HSPA4L: variants seen among roughly 807,000 people sequenced by gnomAD.
The protein encoded by HSPA4L is heat shock protein family A (Hsp70) member 4 like.
Under a neutral mutation model 100.3 loss-of-function variants are expected in HSPA4L, and 48 were observed. That is an observed-to-expected ratio of 0.48 (90% CI 0.38 to 0.61). The LOEUF is 0.61. Among genes scored for constraint, HSPA4L ranks in the 20% least tolerant of loss-of-function variants. The pLI is 0.00. For synonymous variants in HSPA4L, 319 were observed against 328.2 expected, an observed-to-expected ratio of 0.97 and a Z score of 0.30; for missense variants, 886 against 988.6, an observed-to-expected ratio of 0.90 and a Z score of 1.39.
At chr4:127,808,407 CT>C (rs1227839511) in intron 11 of HSPA4L, among the ~76,000 whole-genome samples, 4 of 151,322 alleles carry the variant, frequency 2.6e-5, no homozygotes, top group Admixed American at 6.6e-5. Flanking sequence ...CATGCCTAGA[CT>C]TTTTTTTTCT....
In HSPA4L at chr4:127,795,781, T is replaced by C. The variant is rs750906753; in HGVS notation, c.179T>C (p.Val60Ala). ...NAAKSQIVTN[V>A]RNTIHGFKKL... is the part of the protein sequence containing the mutation. ...TACTGCCAACAGATAGTCACGAACG[T>C]AAGAAATACAATTCATGGCTTCAAA... Residue 60 changes from valine to alanine, a missense_variant, in exon 3 of 19, where the codon GTA (valine) becomes GCA (alanine). By Grantham distance (64) the Val-to-Ala change is moderately conservative. Coordinates refer to ENST00000296464, the MANE Select transcript of HSPA4L (RefSeq NM_014278.4). 8 of 1,613,428 alleles carry C rather than the reference T, an allele frequency of 5.0e-6. No individual in the cohort carries two copies. The highest frequency in any genetic ancestry group is 1.3e-5 in the African/African-American group (1 of 74,930).
Position 127,807,851 on chromosome 4 carries a change from CA to C in HSPA4L, c.1245-141del, listed in dbSNP as rs2148788750. On this transcript the variant is annotated intron_variant, in intron 10 of 18. Coordinates refer to ENST00000296464, the MANE Select transcript of HSPA4L (RefSeq NM_014278.4). The stretch of plus-strand genomic sequence containing the variant: ...AATCTGTTGCAATGCATGTTTAGAG[CA>C]AAATCAGTAATTGTTTTTTCTTTTT... 5.4e-6 allele frequency: 4 copies of C among 746,608 alleles called. No individual in the cohort carries two copies. The South Asian group carries it at 6.5e-5, about 12-fold the overall frequency. 46.2% of individuals were successfully genotyped at this position (746,608 alleles called of 1,614,324 possible). A position where few individuals can be genotyped will look rare whatever the true frequency, so the allele number is the denominator to read the frequency against.
intron 1 of HSPA4L, 75 bp downstream of exon 1, chr4:127,782,732 T>A: frequency 9.2e-7 from 1 of 1,087,198 alleles, no homozygotes; most frequent in Non-Finnish European, 1.3e-6. Context: ...TTGTCCTGTC[T>A]GCTCGCTTCC....
In HSPA4L at chr4:127,823,758, C is replaced by T. The variant is rs185643252; in HGVS notation, c.2046+134C>T. The stretch of plus-strand genomic sequence containing the variant: ...GAAAATTGTATATATTTGTGGTGTA[C>T]GACATGTTTTGATTATGCACACATT... On this transcript the variant is annotated intron_variant, in intron 16 of 18. Transcript: ENST00000296464. The T allele has an allele frequency of 1.1e-4, 66 of 591,574 alleles. No homozygotes were observed. The East Asian group carries it at 1.2e-3, about 10-fold the overall frequency. 36.6% of individuals were successfully genotyped at this position (591,574 alleles called of 1,614,324 possible). A position where few individuals can be genotyped will look rare whatever the true frequency, so the allele number is the denominator to read the frequency against.
intron 4 of HSPA4L, 85 bp downstream of exon 4, chr4:127,798,794 A>C: frequency 7.6e-7 from 1 of 1,321,094 alleles, no homozygotes; most frequent in African/African-American, 1.5e-5. Flanking sequence ...CTTCCCTTAC[A>C]CTTTCTGCCC....
intron 4 of HSPA4L, among the ~76,000 whole-genome samples, chr4:127,800,788 A>G (rs1458723975): frequency 6.6e-6 from 1 of 152,168 alleles, no homozygotes; most frequent in Non-Finnish European, 1.5e-5. Flanking sequence ...ATATACCATA[A>G]TATATTTCTC....
chr4:127,830,645 G>T lies in HSPA4L; in HGVS notation c.2174G>T (p.Arg725Ile). ...CTTTTTTTTTTTAAATAGGATGAAA[G>T]ATATGATCATCTGGATCCTACTGAA... The part of the protein sequence containing the change: ...VIEAYRNKDE[R>I]YDHLDPTEME... The change falls in exon 18 of 19, where the codon AGA becomes ATA. Residue 725 changes from arginine to isoleucine, a missense_variant. Transcript: ENST00000296464. The T allele has an allele frequency of 1.9e-6, 3 of 1,576,702 alleles. No individual in the cohort carries two copies. Among genetic ancestry groups the T allele is most frequent in the Non-Finnish European group, 2.6e-6 (3 of 1,167,852 alleles).
chr4:127,820,270 T>C (rs1733773169), intron 13 of HSPA4L, among the ~76,000 whole-genome samples, 158 bp from the exon 14 acceptor site: 1 of 152,164 alleles, frequency 6.6e-6, no homozygotes, highest in Non-Finnish European at 1.5e-5. Context: ...GAAACTAGGA[T>C]TTAACATACA....
intron 10 of HSPA4L, among the ~76,000 whole-genome samples, chr4:127,806,298 A>G (rs1226914279): frequency 6.6e-6 from 1 of 151,998 alleles, no homozygotes; most frequent in Non-Finnish European, 1.5e-5. Context: ...TTTAACCAAT[A>G]CAGTATTAAG....
At position 127,820,468 on chromosome 4, in the gene HSPA4L, T is replaced by C; in HGVS notation, c.1715T>C (p.Leu572Pro). ...AAACAAGACCGATTAAATCAGACAC[T>C]TAAAAAAGGAAAAGTCAAAAGTATT... The part of the protein sequence containing the change: ...SDKQDRLNQT[L>P]KKGKVKSIDL... Residue 572 changes from leucine to proline, a missense_variant, in exon 14 of 19, where the codon CTT becomes CCT. By Grantham distance (98) the Leu-to-Pro change is moderately conservative. Transcript: ENST00000296464. 2 of 1,604,434 alleles carry C rather than the reference T, an allele frequency of 1.2e-6. No individual in the cohort carries two copies. Among genetic ancestry groups the C allele is most frequent in the Non-Finnish European group, 1.7e-6 (2 of 1,176,190 alleles).
At chr4:127,822,982 A>G in intron 15 of HSPA4L, 88 bp downstream of exon 15, 1 of 1,326,870 alleles carries the variant, frequency 7.5e-7, no homozygotes, top group Non-Finnish European at 1.0e-6. Flanking sequence ...TAAATGTACC[A>G]AATGTTGTTA....
chr4:127,787,784 T>G (rs1030023798), intron 1 of HSPA4L, among the ~76,000 whole-genome samples: 7 of 152,044 alleles, frequency 4.6e-5, no homozygotes, highest in Non-Finnish European at 1.0e-4. Flanking sequence ...TCAAATTTGC[T>G]GAGATGAGTG....
At chr4:127,829,706 C>T (rs1261868654) in intron 17 of HSPA4L, among the ~76,000 whole-genome samples, 1 of 151,254 alleles carries the variant, frequency 6.6e-6, no homozygotes, top group African/African-American at 2.4e-5. Context: ...GCATTTCAAA[C>T]TTTACAAATA....
Position 127,832,941 on chromosome 4 carries a change from G to A in HSPA4L, c.*67G>A. On this transcript the variant is annotated 3_prime_UTR_variant, in exon 19 of 19. Transcript: ENST00000296464. ...ACCACGGGGTCCATCTTTTACATCT[G>A]GTACACACAACAGACGCTCAGTTGT... is the stretch of plus-strand genomic sequence containing the variant. The A allele has an allele frequency of 8.6e-7, 1 of 1,158,324 alleles. No individual in the cohort carries two copies. The highest frequency in any genetic ancestry group is 1.2e-6 in the Non-Finnish European group (1 of 822,310). The allele number at this position is 1,158,324 out of a possible 1,614,324, so 71.8% of individuals were successfully genotyped here.
chr4:127,800,316 T>A (rs1733139949), intron 4 of HSPA4L, among the ~76,000 whole-genome samples: 1 of 151,968 alleles, frequency 6.6e-6, no homozygotes, highest in Non-Finnish European at 1.5e-5. Context: ...TGTTTTTTTT[T>A]AACTAGCCAG....
chr4:127,837,492 A>G lies in HSPA4L; in HGVS notation c.*4618A>G, dbSNP rs1162532984. On this transcript the variant is annotated 3_prime_UTR_variant, in exon 19 of 19. Coordinates refer to ENST00000296464, the MANE Select transcript of HSPA4L (RefSeq NM_014278.4). ...TTAATTCTGATATTATCCTCTTACT[A>G]CCTACAGTATGTTTTGCAAAAATCA... 6.6e-6 allele frequency: 1 copy of G among 152,168 alleles called. No homozygotes were observed. Among genetic ancestry groups the G allele is most frequent in the African/African-American group, 2.4e-5 (1 of 41,438 alleles). The allele number at this position is 152,168 out of a possible 1,614,324, so 9.4% of individuals were successfully genotyped here. A position where few individuals can be genotyped will look rare whatever the true frequency, so the allele number is the denominator to read the frequency against.
intron 2 of HSPA4L, 101 bp from the exon 3 acceptor site, chr4:127,795,667 A>G: frequency 9.4e-7 from 1 of 1,061,528 alleles, no homozygotes; most frequent in Non-Finnish European, 1.4e-6. Context: ...CTAAACTTGG[A>G]TGTGTAGGAT....
chr4:127,815,183 T>A (rs1277199984), intron 12 of HSPA4L, among the ~76,000 whole-genome samples: 1 of 152,172 alleles, frequency 6.6e-6, no homozygotes, highest in African/African-American at 2.4e-5. Context: ...TTTGTATGTG[T>A]TATTTTCTAA....
chr4:127,812,892 A>C, intron 12 of HSPA4L: 1 of 901,184 alleles, frequency 1.1e-6, no homozygotes, highest in Non-Finnish European at 1.8e-6. Context: ...TCAGGAAGCT[A>C]TCTCGGCTCT....
Sources: allele counts gnomAD v4.1 joint callset (sites outside exome capture counted in the v4.1 genomes callset), GRCh38; gene constraint gnomAD v4.1.1; transcripts MANE v1.5; gene names NCBI Gene and HGNC (gene_info 2026-07-23, HGNC 2026-07-21).